The following VRK2 variants were observed in gnomAD, a reference collection of about 807,000 sequenced individuals.
VRK2 encodes the protein serine/threonine-protein kinase VRK2.
VRK2 carries 60 observed loss-of-function variants against 57.6 expected under a neutral mutation model. The ratio of observed to expected loss-of-function variants is 1.04; its 90% CI spans 0.85 to 1.29. The LOEUF is 1.29. Among genes scored for constraint, VRK2 ranks in the 50% most tolerant of loss-of-function variants. VRK2 has a pLI of 0.00. For missense variants in VRK2, 705 were observed against 588.1 expected, an observed-to-expected ratio of 1.20 and a Z score of -2.06; for synonymous variants, 231 against 199.2, an observed-to-expected ratio of 1.16 and a Z score of -1.35.
intron 1 of VRK2, among the ~76,000 whole-genome samples, chr2:57,936,047 C>A (rs1183117047): frequency 6.6e-6 from 1 of 152,060 alleles, no homozygotes; most frequent in Non-Finnish European, 1.5e-5. Context: ...GCTCCTATTC[C>A]ACCAACTTGC....
At chr2:57,940,628 C>T (rs1430632050) in intron 1 of VRK2, among the ~76,000 whole-genome samples, 1 of 152,126 alleles carries the variant, frequency 6.6e-6, no homozygotes, top group East Asian at 1.9e-4. Flanking sequence ...CAAACATTTT[C>T]CAGTCTTTCT....
chr2:58,071,890 T>C (rs918763949), intron 2 of VRK2, among the ~76,000 whole-genome samples: 2 of 151,998 alleles, frequency 1.3e-5, no homozygotes, highest in Non-Finnish European at 2.9e-5. Flanking sequence ...CTTAAGAATA[T>C]GAGTGAGTCT....
intron 7 of VRK2, among the ~76,000 whole-genome samples, chr2:58,116,367 G>A (rs937373761): frequency 1.3e-4 from 19 of 150,400 alleles, no homozygotes; most frequent in Middle Eastern, 3.4e-3. Context: ...CAGGGAAGCA[G>A]ATAATTTGGT....
In VRK2 at chr2:58,146,321, T is replaced by G; in HGVS notation, c.1029T>G (p.Asp343Glu). ...NVHTPNSQKV[D>E]SQKAATKQVN... is the part of the protein sequence containing the mutation. ...TACTTACTCTATACCAACAGGTTGA[T>G]TCACAAAAGGCTGCAACAAAGCAAG... is the stretch of plus-strand genomic sequence containing the variant. Residue 343 changes from aspartate (D) to glutamate (E), a missense_variant, in exon 12 of 13, where the codon GAT (aspartate) becomes GAG (glutamate). Physicochemically the swap from Asp to Glu is conservative, Grantham distance 45. Transcript: ENST00000340157. 6.2e-7 allele frequency: 1 copy of G among 1,608,038 alleles called. No individual in the cohort carries two copies. The highest frequency in any genetic ancestry group is 8.5e-7 in the Non-Finnish European group (1 of 1,176,792).
intron 2 of VRK2, among the ~76,000 whole-genome samples, chr2:58,066,585 A>G (rs1400992522): frequency 6.6e-6 from 1 of 152,168 alleles, no homozygotes; most frequent in Non-Finnish European, 1.5e-5. Context: ...TCCTGGCCTC[A>G]TAAAATGAGT....
chr2:57,945,280 AT>A (rs1671226747), intron 1 of VRK2, among the ~76,000 whole-genome samples: 1 of 152,172 alleles, frequency 6.6e-6, no homozygotes, highest in Admixed American at 6.5e-5. Context: ...ATAAGTATGT[AT>A]GTGCCTCCTT....
intron 1 of VRK2, among the ~76,000 whole-genome samples, chr2:58,014,166 T>C (rs1460322196): frequency 4.6e-5 from 7 of 152,168 alleles, no homozygotes; most frequent in Non-Finnish European, 8.8e-5. Context: ...TAAAAATTGG[T>C]GCACCAACTC....
intron 2 of VRK2, among the ~76,000 whole-genome samples, chr2:58,032,888 T>C (rs779235856): frequency 2.0e-4 from 30 of 152,122 alleles, no homozygotes; most frequent in Non-Finnish European, 3.5e-4. Context: ...CTGCTATCTC[T>C]TGCTGCCTAT....
At chr2:57,939,479 T>C (rs1009490684) in intron 1 of VRK2, among the ~76,000 whole-genome samples, 1 of 152,198 alleles carries the variant, frequency 6.6e-6, no homozygotes, top group Non-Finnish European at 1.5e-5. Context: ...ATGTATATTT[T>C]GTATGAAAGG....
intron 7 of VRK2, among the ~76,000 whole-genome samples, chr2:58,092,279 A>G (rs1672488749): frequency 1.3e-5 from 2 of 152,102 alleles, no homozygotes; most frequent in Admixed American, 6.5e-5. Flanking sequence ...ATTGTAAGGT[A>G]TGTACTGTTT....
intron 2 of VRK2, among the ~76,000 whole-genome samples, chr2:58,073,178 A>G (rs370100326): frequency 6.6e-6 from 1 of 151,994 alleles, no homozygotes; most frequent in African/African-American, 2.4e-5. Context: ...CATACTTTGT[A>G]TGATTTCTAT....
upstream of VRK2, among the ~76,000 whole-genome samples, chr2:58,043,722 T>C (rs1674558406): frequency 6.6e-6 from 1 of 152,206 alleles, no homozygotes; most frequent in Admixed American, 6.5e-5. Flanking sequence ...TTTGTGTGGA[T>C]ACAGGTTTAG....
chr2:58,159,441 C>A lies in VRK2; in HGVS notation c.1275C>A (p.Phe425Leu). 1 of 1,613,554 alleles carries A rather than the reference C, an allele frequency of 6.2e-7. No homozygotes were observed. Among genetic ancestry groups the A allele is most frequent in the Non-Finnish European group, 8.5e-7 (1 of 1,179,650 alleles). ...CACAAAAAATCAGCTATACACAATTCCCAAACTCATTTTATGAGCCTCATC... is the reference window on the plus strand; with the variant it reads ...CACAAAAAATCAGCTATACACAATTACCAAACTCATTTTATGAGCCTCATC... The part of the protein sequence containing the change: ...SFPQKISYTQ[F>L]PNSFYEPHQD... Residue 425 changes from phenylalanine (F) to leucine (L), a missense_variant, in exon 13 of 13, where the codon TTC becomes TTA. Coordinates refer to ENST00000340157, the MANE Select transcript of VRK2 (RefSeq NM_006296.7).
At chr2:58,155,774 G>A (rs1256634157) in intron 12 of VRK2, among the ~76,000 whole-genome samples, 2 of 20,740 alleles carry the variant, frequency 9.6e-5, no homozygotes, top group East Asian at 1.6e-3. Context: ...CCACCCCGCC[G>A]CCCCGTTTCC....
intron 10 of VRK2, among the ~76,000 whole-genome samples, chr2:58,136,988 A>G (rs868353498): frequency 1.4e-4 from 19 of 133,236 alleles, no homozygotes; most frequent in Middle Eastern, 4.1e-3. Flanking sequence ...TATCATATAT[A>G]TGTGTATATA....
chr2:58,136,524 A>G (rs963038930), intron 10 of VRK2, among the ~76,000 whole-genome samples: 10 of 151,588 alleles, frequency 6.6e-5, no homozygotes, highest in African/African-American at 2.2e-4. Context: ...AGCTGTGACT[A>G]CAGACACGTG....
chr2:58,068,184 C>T (rs1668885541), intron 2 of VRK2, among the ~76,000 whole-genome samples: 1 of 152,168 alleles, frequency 6.6e-6, no homozygotes, highest in African/African-American at 2.4e-5. Flanking sequence ...TCCACCTTGG[C>T]CTCCCAAAGT....
intron 1 of VRK2, among the ~76,000 whole-genome samples, chr2:57,979,682 G>A (rs998839951): frequency 2.0e-5 from 3 of 151,928 alleles, no homozygotes; most frequent in African/African-American, 7.3e-5. Context: ...GGATTTCTCT[G>A]GTTGGTAAGG....
chr2:58,149,546 A>G (rs1168028789), intron 12 of VRK2, among the ~76,000 whole-genome samples: 3 of 151,324 alleles, frequency 2.0e-5, no homozygotes, highest in Non-Finnish European at 4.4e-5. Context: ...TCGTTGTCTT[A>G]TTACATCTGC....
Sources: allele counts gnomAD v4.1 joint callset (sites outside exome capture counted in the v4.1 genomes callset), GRCh38; gene constraint gnomAD v4.1.1; transcripts MANE v1.5; gene names NCBI Gene and HGNC (gene_info 2026-07-23, HGNC 2026-07-21).